The following KIF6 variants were observed in gnomAD, a reference collection of about 807,000 sequenced individuals.
KIF6 encodes kinesin family member 6, also known as kinesin-like protein KIF6.
In KIF6, 106 loss-of-function variants were observed where a neutral mutation model predicts 112.7. The observed-to-expected ratio is 0.94, with a 90% CI of 0.80 to 1.11. KIF6 has a LOEUF of 1.11. Ranked by LOEUF, KIF6 falls within the 50% of genes least tolerant of loss-of-function variation. The pLI is 0.00. For synonymous variants in KIF6, 339 were observed against 339.9 expected, an observed-to-expected ratio of 1.00 and a Z score of 0.03; for missense variants, 929 against 964.0, an observed-to-expected ratio of 0.96 and a Z score of 0.48.
chr6:39,589,796 G>T (rs1009091718), intron 7 of KIF6, among the ~76,000 whole-genome samples: 4 of 152,206 alleles, frequency 2.6e-5, no homozygotes, highest in African/African-American at 4.8e-5. Context: ...GTGTGGTTAG[G>T]TGTGTCTCCT....
At position 39,634,848 on chromosome 6, in the gene KIF6, C is replaced by G. The variant is rs762834670; in HGVS notation, c.509+1G>C. ...CCATTCTTTGTTGTTCTGCTACTCA[C>G]GGCAAATCTTCCAAACTGGAGGCTT... On this transcript the variant is annotated splice_donor_variant, in intron 5 of 22. Coordinates refer to ENST00000287152, the MANE Select transcript of KIF6 (RefSeq NM_145027.6). LOFTEE classifies it high-confidence loss of function. 1.3e-6 allele frequency: 2 copies of G among 1,561,772 alleles called. No homozygotes were observed.
At position 39,336,245 on chromosome 6, in the gene KIF6, G is replaced by A. The variant is rs1457106994; in HGVS notation, c.*287C>T. On this transcript the variant is annotated 3_prime_UTR_variant, in exon 23 of 23. Transcript: ENST00000287152. The stretch of plus-strand genomic sequence containing the variant: ...ATCTACACAAAACGTCACTACAACA[G>A]TGAGCTGAAGCCTTCACCCTGCCCC... 2.3e-6 allele frequency: 1 copy of A among 442,426 alleles called. No homozygotes were observed. Among genetic ancestry groups the A allele is most frequent in the East Asian group, 4.0e-5 (1 of 25,078 alleles). 27.4% of individuals were successfully genotyped at this position (442,426 alleles called of 1,614,324 possible).
chr6:39,563,000 G>A (rs901530213), intron 10 of KIF6, among the ~76,000 whole-genome samples: 1 of 152,136 alleles, frequency 6.6e-6, no homozygotes, highest in Admixed American at 6.5e-5. Context: ...TAGCACTTTG[G>A]GAGGGCAAGG....
chr6:39,445,051 C>T (rs1772217561), intron 13 of KIF6, among the ~76,000 whole-genome samples: 1 of 152,170 alleles, frequency 6.6e-6, no homozygotes, highest in Non-Finnish European at 1.5e-5. Flanking sequence ...GAATCCTTGA[C>T]TCTGCCATTA....
chr6:39,570,981 T>C (rs1418945517), intron 10 of KIF6, among the ~76,000 whole-genome samples: 2 of 152,218 alleles, frequency 1.3e-5, no homozygotes, highest in Admixed American at 6.5e-5. Flanking sequence ...ACTCTTGGTC[T>C]TGACCTCAGT....
intron 3 of KIF6, among the ~76,000 whole-genome samples, chr6:39,670,046 A>C (rs754620541): frequency 5.8e-4 from 89 of 152,316 alleles, no homozygotes; most frequent in African/African-American, 1.9e-3. Context: ...ATAAGTGAGA[A>C]GGTCCTTACA....
At chr6:39,452,953 CA>C (rs2150410183) in intron 13 of KIF6, among the ~76,000 whole-genome samples, 1 of 152,326 alleles carries the variant, frequency 6.6e-6, no homozygotes, top group Admixed American at 6.5e-5. Context: ...GAATTGAGGT[CA>C]AGGAAGAAAC....
At chr6:39,661,800 T>C (rs970579254) in intron 3 of KIF6, among the ~76,000 whole-genome samples, 3 of 152,136 alleles carry the variant, frequency 2.0e-5, no homozygotes, top group African/African-American at 7.2e-5. Flanking sequence ...ACCAGATGGA[T>C]ACCTTCTAAC....
intron 13 of KIF6, among the ~76,000 whole-genome samples, chr6:39,497,417 T>A (rs1775848684): frequency 6.6e-6 from 1 of 152,238 alleles, no homozygotes; most frequent in Non-Finnish European, 1.5e-5. Context: ...AGGCTTCTGA[T>A]GCACCCCTCG....
chr6:39,382,830 G>A (rs190710563), intron 16 of KIF6, among the ~76,000 whole-genome samples: 4 of 151,774 alleles, frequency 2.6e-5, no homozygotes, highest in South Asian at 2.1e-4. Flanking sequence ...GCCAACATCC[G>A]TTATTTTTTG....
At position 39,431,158 on chromosome 6, in the gene KIF6, A is replaced by T. The variant is rs780964615; in HGVS notation, c.1649T>A (p.Met550Lys). The change falls in exon 14 of 23, where the codon ATG (methionine) becomes AAG (lysine). Residue 550 changes from methionine to lysine, a missense_variant. Met to Lys is a moderately conservative substitution (Grantham distance 95, BLOSUM62 -1). Around this residue, in one of 2 missense-constraint regions of KIF6, gnomAD observed 688 missense variants for 662.7 expected, o/e 1.04. Coordinates refer to ENST00000287152, the MANE Select transcript of KIF6 (RefSeq NM_145027.6). ...RSSLLHKKIG[M>K]REEMSLGCQE... is the part of the protein sequence containing the mutation. Reference sequence around the variant, plus strand: ...GCATCCTAATGACATTTCCTCTCTCATTCCTGTTTGGAGACACAGGGAAAT... The same window carrying T: ...GCATCCTAATGACATTTCCTCTCTCTTTCCTGTTTGGAGACACAGGGAAAT... The T allele has an allele frequency of 1.3e-6, 2 of 1,588,098 alleles. No individual in the cohort carries two copies. Among genetic ancestry groups the T allele is most frequent in the African/African-American group, 2.7e-5 (2 of 74,502 alleles).
chr6:39,473,559 T>C (rs1247914313), intron 13 of KIF6, among the ~76,000 whole-genome samples: 1 of 152,234 alleles, frequency 6.6e-6, no homozygotes, highest in Non-Finnish European at 1.5e-5. Context: ...CTGCTCTGTC[T>C]GCTTCTCCTG....
At chr6:39,447,372 A>T (rs1404297781) in intron 13 of KIF6, among the ~76,000 whole-genome samples, 1 of 152,042 alleles carries the variant, frequency 6.6e-6, no homozygotes, top group East Asian at 1.9e-4. Flanking sequence ...GTGGCTCCCA[A>T]ACTCCTCTCC....
chr6:39,487,457 C>T (rs1775186062), intron 13 of KIF6, among the ~76,000 whole-genome samples: 1 of 152,174 alleles, frequency 6.6e-6, no homozygotes, highest in Non-Finnish European at 1.5e-5. Flanking sequence ...TGGAAGGCCA[C>T]CCTTTAGCTT....
At chr6:39,597,381 G>A (rs1027257021) in intron 6 of KIF6, among the ~76,000 whole-genome samples, 1 of 152,140 alleles carries the variant, frequency 6.6e-6, no homozygotes, top group Non-Finnish European at 1.5e-5. Context: ...ATTTATCAAG[G>A]TATACCACAA....
chr6:39,667,860 G>A (rs1019255054), intron 3 of KIF6, among the ~76,000 whole-genome samples: 1 of 152,152 alleles, frequency 6.6e-6, no homozygotes, highest in African/African-American at 2.4e-5. Context: ...ACATTGAAAT[G>A]TAATCCCCAG....
At chr6:39,361,993 C>T (rs1765189219) in intron 17 of KIF6, among the ~76,000 whole-genome samples, 1 of 152,116 alleles carries the variant, frequency 6.6e-6, no homozygotes, top group African/African-American at 2.4e-5. Context: ...ATTCGGTGAC[C>T]ATGCTGTATA....
chr6:39,617,206 C>A (rs1042064533), intron 5 of KIF6, among the ~76,000 whole-genome samples: 1 of 152,152 alleles, frequency 6.6e-6, no homozygotes, highest in African/African-American at 2.4e-5. Flanking sequence ...GTGTACTCAG[C>A]CTGCTTAATG....
At chr6:39,718,023 T>G (rs1470146128) in intron 2 of KIF6, among the ~76,000 whole-genome samples, 1 of 151,514 alleles carries the variant, frequency 6.6e-6, no homozygotes, top group Non-Finnish European at 1.5e-5. Flanking sequence ...GGTCAGGAGT[T>G]CTAGACCAGC....
Sources: gnomAD v4.1 joint callset for allele counts (sites outside exome capture counted in the v4.1 genomes callset) on GRCh38, gnomAD v4.1.1 for gene constraint, gnomAD v4.1.1 regional missense constraint, MANE v1.5 for transcripts, NCBI Gene and HGNC (gene_info 2026-07-23, HGNC 2026-07-21) for gene names.